The following OR8H1 variants were observed in gnomAD, a reference collection of about 807,000 sequenced individuals.
OR8H1 encodes the protein olfactory receptor 8H1.
For missense variants in OR8H1, 388 were observed against 374.1 expected, an observed-to-expected ratio of 1.04 and a Z score of -0.31; for synonymous variants, 135 against 134.5, an observed-to-expected ratio of 1.00 and a Z score of -0.03.
At position 56,289,722 on chromosome 11, in the gene OR8H1, A is replaced by G. The variant is rs9943535; in HGVS notation, c.*405T>C. Reference sequence around the variant, plus strand: ...CTGCAACCTCTGCCTCCCAGATTGAAGCGATTCTCCTACCTCAGCCCCGCA... The same window carrying G: ...CTGCAACCTCTGCCTCCCAGATTGAGGCGATTCTCCTACCTCAGCCCCGCA... On this transcript the variant is annotated 3_prime_UTR_variant, in exon 2 of 2. Transcript: ENST00000641600. The G allele has an allele frequency of 0.07, 13,298 of 189,060 alleles. 551 individuals are homozygous for G. The highest frequency in any genetic ancestry group is 0.086 in the Non-Finnish European group (7,810 of 90,818). 11.7% of individuals were successfully genotyped at this position (189,060 alleles called of 1,614,324 possible). A position where few individuals can be genotyped will look rare whatever the true frequency, so the allele number is the denominator to read the frequency against.
At chr11:56,291,182 G>A (rs2134837477) in intron 1 of OR8H1, 98 bp from the exon 2 acceptor site, 2 of 709,902 alleles carry the variant, frequency 2.8e-6, no homozygotes, top group Non-Finnish European at 4.6e-6. Flanking sequence ...TCTATAAATT[G>A]CTAATACATT....
At chr11:56,291,660 AT>A (rs1854153862) in intron 1 of OR8H1, among the ~76,000 whole-genome samples, 1 of 152,162 alleles carries the variant, frequency 6.6e-6, no homozygotes. Flanking sequence ...ACACTTAAGG[AT>A]TTTAGCAGGA....
chr11:56,291,139 T>A, intron 1 of OR8H1, 55 bp from the exon 2 acceptor site: 1 of 985,142 alleles, frequency 1.0e-6, no homozygotes, highest in Non-Finnish European at 1.5e-6. Context: ...TTTCTGATTA[T>A]ACAATAACCT....
rs1854141383 is a variant in OR8H1, at chr11:56,290,834, T to C, written c.229A>G (p.Ile77Val). The change falls in exon 2 of 2, where the codon ATC (isoleucine) becomes GTC (valine). Residue 77 changes from isoleucine to valine, a missense_variant. Coordinates refer to ENST00000641600, the MANE Select transcript of OR8H1 (RefSeq NM_001005199.2). ...SFIDLSYSTV[I>V]TPKTLANLLT... The stretch of plus-strand genomic sequence containing the variant: ...AAGTTCGCTAAGGTTTTAGGTGTGA[T>C]GACAGTTGAGTAACTGAGGTCAATA... 2 of 1,614,070 alleles carry C rather than the reference T, an allele frequency of 1.2e-6. No individual in the cohort carries two copies. The highest frequency in any genetic ancestry group is 1.7e-5 in the Admixed American group (1 of 60,012).
chr11:56,288,513 A>G lies in OR8H1; in HGVS notation c.*1614T>C, dbSNP rs556926551. On this transcript the variant is annotated 3_prime_UTR_variant, in exon 2 of 2. Coordinates refer to ENST00000641600, the MANE Select transcript of OR8H1 (RefSeq NM_001005199.2). ...ACACACAGAATTTTAACAAAGAAAC[A>G]GTTTGACTCTTTACAGAAGTCAAGT... The G allele has an allele frequency of 2.1e-4, 32 of 152,228 alleles. No homozygotes were observed. Among genetic ancestry groups the G allele is most frequent in the African/African-American group, 7.7e-4 (32 of 41,580 alleles). The allele number at this position is 152,228 out of a possible 1,614,324, so 9.4% of individuals were successfully genotyped here. A position where few individuals can be genotyped will look rare whatever the true frequency, so the allele number is the denominator to read the frequency against.
rs749367992 is a variant in OR8H1 at position 56,291,046 on chromosome 11, T to C, written c.17A>G (p.Asn6Ser). ...AAGGATGAAGTCAGGCACATTTGTG[T>C]TATTTCTTCTACCCATGATGTTCAA... MGRRN[N>S]TNVPDFILTG... Residue 6 changes from asparagine to serine, a missense_variant, in exon 2 of 2, where the codon AAC (asparagine) becomes AGC (serine). Physicochemically the swap from Asn to Ser is conservative, Grantham distance 46. Transcript: ENST00000641600. 1.3e-6 allele frequency: 2 copies of C among 1,594,696 alleles called. No homozygotes were observed. The highest frequency in any genetic ancestry group is 1.8e-5 in the Admixed American group (1 of 56,588).
rs1429680455 is a variant in OR8H1 at position 56,290,920 on chromosome 11, A to G, written c.143T>C (p.Ile48Thr). The stretch of plus-strand genomic sequence containing the variant: ...GTGAAGCTGGAGGTCCAGGCGGATT[A>G]TCAATATCATCCCCACATTGCCCAG... ...TMLGNVGMIL[I>T]IRLDLQLHTP... The change falls in exon 2 of 2, where the codon ATA becomes ACA. Residue 48 changes from isoleucine (I) to threonine (T), a missense_variant. Transcript: ENST00000641600. 6.2e-7 allele frequency: 1 copy of G among 1,614,106 alleles called. No homozygotes were observed. The highest frequency in any genetic ancestry group is 1.7e-5 in the Admixed American group (1 of 60,004).
rs1350792537 is a variant in OR8H1 at position 56,290,307 on chromosome 11, TC to T, written c.755del (p.Gly252GlufsTer3). On this transcript the variant is annotated frameshift_variant, in exon 2 of 2. Transcript: ENST00000641600. LOFTEE classifies it low-confidence loss of function (END_TRUNC). ...SHLLGVTIFY[G>X]TMIFTYLKPR... ...GTTTTAAATAAGTAAAAATCATAGT[TC>T]CATAAAAGATGGTGACTCCCAAGAG... 1 of 1,613,460 alleles carries T rather than the reference TC, an allele frequency of 6.2e-7. No homozygotes were observed. Among genetic ancestry groups the T allele is most frequent in the South Asian group, 1.1e-5 (1 of 90,956 alleles).
chr11:56,288,752 ATATT>A lies in OR8H1; in HGVS notation c.*1371_*1374del, dbSNP rs1197030671. ...GCTGAAAATCAGTACACAGAAAGTG[ATATT>A]TAGTTTACATATGTTATACACATGC... On this transcript the variant is annotated 3_prime_UTR_variant, in exon 2 of 2. Coordinates refer to ENST00000641600, the MANE Select transcript of OR8H1 (RefSeq NM_001005199.2). 1 of 152,126 alleles carries A rather than the reference ATATT, an allele frequency of 6.6e-6. No individual in the cohort carries two copies. The highest frequency in any genetic ancestry group is 1.5e-5 in the Non-Finnish European group (1 of 67,948). 9.4% of individuals were successfully genotyped at this position (152,126 alleles called of 1,614,324 possible). A position where few individuals can be genotyped will look rare whatever the true frequency, so the allele number is the denominator to read the frequency against.
At position 56,290,136 on chromosome 11, in the gene OR8H1, G is replaced by A; in HGVS notation, c.927C>T (p.Asp309=). 1.2e-6 allele frequency: 2 copies of A among 1,605,044 alleles called. No individual in the cohort carries two copies. Among genetic ancestry groups the A allele is most frequent in the South Asian group, 1.1e-5 (1 of 90,672 alleles). The change falls in exon 2 of 2, where the codon GAC becomes GAT. Residue 309 remains aspartate (D), a synonymous_variant. Coordinates refer to ENST00000641600, the MANE Select transcript of OR8H1 (RefSeq NM_001005199.2). ...ATTCCTGCTATTTTAATTACCTGGA[G>A]TCCTGTCTTCTCTGCATGACTCTAA... ...ALIRVMQRRQ[D]SR
rs532923197 is a variant in OR8H1 at position 56,289,060 on chromosome 11, T to C, written c.*1067A>G. The stretch of plus-strand genomic sequence containing the variant: ...AAATTGTGAACTACTGATATTATCT[T>C]TTTTTTTCCTTTTTAGTTGCTTGTG... On this transcript the variant is annotated 3_prime_UTR_variant, in exon 2 of 2. Coordinates refer to ENST00000641600, the MANE Select transcript of OR8H1 (RefSeq NM_001005199.2). 4 of 151,898 alleles carry C rather than the reference T, an allele frequency of 2.6e-5. No homozygotes were observed. Among genetic ancestry groups the C allele is most frequent in the African/African-American group, 4.8e-5 (2 of 41,344 alleles). The allele number at this position is 151,898 out of a possible 1,614,324, so 9.4% of individuals were successfully genotyped here.
Position 56,289,945 on chromosome 11 carries a change from A to G in OR8H1, c.*182T>C. On this transcript the variant is annotated 3_prime_UTR_variant, in exon 2 of 2. Coordinates refer to ENST00000641600, the MANE Select transcript of OR8H1 (RefSeq NM_001005199.2). Reference sequence around the variant, plus strand: ...AACACATATTATGATTTCTAATTACAATCTGGATTTCTGAAAACATACACC... The same window carrying G: ...AACACATATTATGATTTCTAATTACGATCTGGATTTCTGAAAACATACACC... The G allele has an allele frequency of 1.5e-6, 1 of 670,138 alleles. No individual in the cohort carries two copies. The highest frequency in any genetic ancestry group is 2.6e-6 in the Non-Finnish European group (1 of 378,970). 41.5% of individuals were successfully genotyped at this position (670,138 alleles called of 1,614,324 possible).
In OR8H1 at chr11:56,290,932, C is replaced by T. The variant is rs138297260; in HGVS notation, c.131G>A (p.Gly44Glu). Residue 44 changes from glycine (G) to glutamate (E), a missense_variant, in exon 2 of 2, where the codon GGG (glycine) becomes GAG (glutamate). Transcript: ENST00000641600. ...IYLITMLGNV[G>E]MILIIRLDLQ... ...GTCCAGGCGGATTATCAATATCATC[C>T]CCACATTGCCCAGCATAGTAATTAG... 106 of 1,614,078 alleles carry T rather than the reference C, an allele frequency of 6.6e-5. No homozygotes were observed. The East Asian group carries it at 2.3e-3, about 36-fold the overall frequency.
chr11:56,291,163 T>C, intron 1 of OR8H1, 79 bp from the exon 2 acceptor site: 1 of 838,480 alleles, frequency 1.2e-6, no homozygotes, highest in South Asian at 1.8e-5. Context: ...ATTTAATTCA[T>C]TTAGTGTTTC....
chr11:56,289,148 G>A lies in OR8H1; in HGVS notation c.*979C>T, dbSNP rs1487631968. 6.6e-6 allele frequency: 1 copy of A among 151,846 alleles called. No homozygotes were observed. The highest frequency in any genetic ancestry group is 1.5e-5 in the Non-Finnish European group (1 of 67,948). The allele number at this position is 151,846 out of a possible 1,614,324, so 9.4% of individuals were successfully genotyped here. On this transcript the variant is annotated 3_prime_UTR_variant, in exon 2 of 2. Coordinates refer to ENST00000641600, the MANE Select transcript of OR8H1 (RefSeq NM_001005199.2). ...ACACAAGTGAATATCCTTCACAAAA[G>A]GCATTGTGCTGGAATGCAAGTCTTC...
rs748211309 is a variant in OR8H1, at chr11:56,290,940, G to C, written c.123C>G (p.Gly41=). 3.7e-5 allele frequency: 59 copies of C among 1,614,004 alleles called. No individual in the cohort carries two copies. Among genetic ancestry groups the C allele is most frequent in the South Asian group, 1.2e-4 (11 of 91,086 alleles). ...FLLIYLITML[G]NVGMILIIRL... is the part of the protein sequence containing the mutation. ...GGATTATCAATATCATCCCCACATT[G>C]CCCAGCATAGTAATTAGGTATATCA... The change falls in exon 2 of 2, where the codon GGC becomes GGG. Residue 41 remains glycine, a synonymous_variant. Coordinates refer to ENST00000641600, the MANE Select transcript of OR8H1 (RefSeq NM_001005199.2).
Position 56,292,232 on chromosome 11 carries a change from T to G in OR8H1, c.-304A>C, listed in dbSNP as rs1435182982. On this transcript the variant is annotated 5_prime_UTR_variant, in exon 1 of 2. Coordinates refer to ENST00000641600, the MANE Select transcript of OR8H1 (RefSeq NM_001005199.2). ...GTGTGTCAAAAGAACACTGGGAATC[T>G]CTGTGACTATAGGTAGATTATTCTT... 1 of 152,204 alleles carries G rather than the reference T, an allele frequency of 6.6e-6. No homozygotes were observed. The highest frequency in any genetic ancestry group is 1.5e-5 in the Non-Finnish European group (1 of 68,032). The allele number at this position is 152,204 out of a possible 1,614,324, so 9.4% of individuals were successfully genotyped here.
In OR8H1 at chr11:56,289,767, A is replaced by G. The variant is rs539684601; in HGVS notation, c.*360T>C. 90 of 245,980 alleles carry G rather than the reference A, an allele frequency of 3.7e-4. 1 individual carries two copies. Among genetic ancestry groups the G allele is most frequent in the Middle Eastern group, 3.1e-3 (2 of 636 alleles). The allele number at this position is 245,980 out of a possible 1,614,324, so 15.2% of individuals were successfully genotyped here. ...CCCGCAAGTAGCTGGGATTACAGGC[A>G]TGCACCACCACACCCAGCTAATTTT... On this transcript the variant is annotated 3_prime_UTR_variant, in exon 2 of 2. Transcript: ENST00000641600.
rs558544467 is a variant in OR8H1, at chr11:56,290,075, T to C, written c.*52A>G. The C allele has an allele frequency of 8.5e-6, 12 of 1,410,068 alleles. No individual in the cohort carries two copies. The South Asian group carries it at 1.2e-4, about 14-fold the overall frequency. The allele number at this position is 1,410,068 out of a possible 1,614,324, so 87.3% of individuals were successfully genotyped here. A position where few individuals can be genotyped will look rare whatever the true frequency, so the allele number is the denominator to read the frequency against. ...ATAGGGAGACCAAGGACATACCAAA[T>C]AGAAAAGAAAGAAAAGATGAGTTTA... On this transcript the variant is annotated 3_prime_UTR_variant, in exon 2 of 2. Coordinates refer to ENST00000641600, the MANE Select transcript of OR8H1 (RefSeq NM_001005199.2).
Sources: gnomAD v4.1 joint callset for allele counts (sites outside exome capture counted in the v4.1 genomes callset) on GRCh38, gnomAD v4.1.1 for gene constraint, MANE v1.5 for transcripts, NCBI Gene and HGNC (gene_info 2026-07-23, HGNC 2026-07-21) for gene names.